The following VAV2 variants were observed in gnomAD, a reference collection of about 807,000 sequenced individuals.
VAV2 encodes guanine nucleotide exchange factor VAV2.
Under a neutral mutation model 132.5 loss-of-function variants are expected in VAV2, and 67 were observed. The ratio of observed to expected loss-of-function variants is 0.51; its 90% CI spans 0.42 to 0.62. The LOEUF (loss-of-function observed/expected upper bound fraction) is 0.62, where lower values mean the gene tolerates loss of function less well. Among genes scored for constraint, VAV2 ranks in the 20% least tolerant of loss-of-function variants. VAV2 has a pLI of 0.00. For missense variants in VAV2, 938 were observed against 1,153.6 expected (o/e 0.81, Z 2.71); for synonymous variants, 492 against 443.5 (o/e 1.11, Z -1.37).
At chr9:133,978,737 C>T (rs924314015) in intron 1 of VAV2, among the ~76,000 whole-genome samples, 1 of 152,236 alleles carries the variant, frequency 6.6e-6, no homozygotes. Context: ...AACTCAGGGG[C>T]GCAGCCGCTC....
At chr9:133,976,452 T>C (rs888874239) in intron 1 of VAV2, among the ~76,000 whole-genome samples, 9 of 152,242 alleles carry the variant, frequency 5.9e-5, no homozygotes, top group African/African-American at 1.9e-4. Flanking sequence ...AGACCCTAGA[T>C]TGGAGCCCTA....
chr9:133,904,104 G>A (rs1161829268), intron 2 of VAV2, among the ~76,000 whole-genome samples: 4 of 152,232 alleles, frequency 2.6e-5, no homozygotes, highest in South Asian at 4.2e-4. Flanking sequence ...CTTCCTATCC[G>A]GGTAAATTCT....
intron 1 of VAV2, among the ~76,000 whole-genome samples, chr9:133,954,077 C>T (rs73556531): frequency 0.017 from 2,598 of 152,306 alleles, 81 homozygotes; most frequent in African/African-American, 0.058. Context: ...CCCTTCTCAA[C>T]GTGCAACAAA....
chr9:133,792,022 G>T (rs1288679187), intron 12 of VAV2, among the ~76,000 whole-genome samples, 153 bp from the exon 13 acceptor site: 11 of 144,110 alleles, frequency 7.6e-5, no homozygotes, highest in Non-Finnish European at 1.4e-4. Flanking sequence ...AGCTGTGCTG[G>T]GTGGGGTGTG....
intron 3 of VAV2, among the ~76,000 whole-genome samples, chr9:133,842,080 G>C (rs1294038769): frequency 6.6e-6 from 1 of 152,200 alleles, no homozygotes; most frequent in Non-Finnish European, 1.5e-5. Flanking sequence ...TTGGATTCTG[G>C]AAGGTACTGA....
rs1398339391 is a variant in VAV2, at chr9:133,969,787, C to G, written c.204+22288G>C. ...CATTCCCACTTCTCTCCCCACCCCC[C>G]AGCCTGGACACCCCCATCTGCCTCT... On this transcript the variant is annotated intron_variant, in intron 1 of 29. Transcript: ENST00000371850. The surrounding 1 kb of genome is among the most constrained non-coding windows in gnomAD (Gnocchi z 5.1). Among the ~76,000 whole-genome samples, 1 of 152,136 alleles carries G rather than the reference C, an allele frequency of 6.6e-6. No individual in the cohort carries two copies. The highest frequency in any genetic ancestry group is 1.5e-5 in the Non-Finnish European group (1 of 67,998).
chr9:133,830,466 A>G (rs1268329116), intron 4 of VAV2, among the ~76,000 whole-genome samples: 5 of 152,152 alleles, frequency 3.3e-5, no homozygotes, highest in African/African-American at 1.2e-4. Context: ...AGTTCTCACG[A>G]GATCTGATGG....
chr9:133,798,457 C>T (rs973422491), intron 9 of VAV2, among the ~76,000 whole-genome samples: 4 of 152,196 alleles, frequency 2.6e-5, no homozygotes, highest in Admixed American at 6.5e-5. Context: ...CGCTCTCTCC[C>T]GGCCACTCTG....
chr9:133,875,695 G>A (rs975882945), intron 2 of VAV2, among the ~76,000 whole-genome samples: 11 of 152,212 alleles, frequency 7.2e-5, no homozygotes, highest in Admixed American at 1.3e-4. Context: ...GAACACACGC[G>A]AGGCCCCCGC....
intron 24 of VAV2, 48 bp downstream of exon 24, chr9:133,775,980 A>G (rs372193817): frequency 1.2e-5 from 19 of 1,566,970 alleles, no homozygotes; most frequent in Middle Eastern, 1.7e-4. Flanking sequence ...TGCCCCCATA[A>G]CAAAGAGGCC....
chr9:133,808,285 G>A (rs1396654579), intron 7 of VAV2, among the ~76,000 whole-genome samples: 2 of 152,250 alleles, frequency 1.3e-5, no homozygotes, highest in African/African-American at 4.8e-5. Flanking sequence ...TGGGGCAGCA[G>A]GAGGGGGCCC....
chr9:133,843,961 G>A (rs1836828825), intron 3 of VAV2, among the ~76,000 whole-genome samples: 1 of 152,156 alleles, frequency 6.6e-6, no homozygotes, highest in Non-Finnish European at 1.5e-5. Context: ...GCGAGGTGGG[G>A]GTGTGGCCAG....
chr9:133,959,046 C>G (rs1841883439), intron 1 of VAV2, among the ~76,000 whole-genome samples: 2 of 86,960 alleles, frequency 2.3e-5, no homozygotes. Context: ...GGCCACAGCC[C>G]CAGGGGCCCA....
chr9:133,990,789 C>CA (rs1214461460), intron 1 of VAV2, among the ~76,000 whole-genome samples: 1 of 152,216 alleles, frequency 6.6e-6, no homozygotes, highest in East Asian at 1.9e-4. Context: ...CCGCCACCTG[C>CA]ACCTGACCAC....
chr9:133,785,721 A>AC (rs1379085937), intron 17 of VAV2, 55 bp downstream of exon 17: 6 of 1,547,408 alleles, frequency 3.9e-6, no homozygotes, highest in East Asian at 4.5e-5. Flanking sequence ...CTGGGCTTCC[A>AC]CCCCCCATAC....
At chr9:133,970,266 ACCCCACACAG>A (rs925487101) in intron 1 of VAV2, among the ~76,000 whole-genome samples, 2 of 152,146 alleles carry the variant, frequency 1.3e-5, no homozygotes, top group African/African-American at 4.8e-5. Context: ...CCACCCGATG[ACCCCACACAG>A]CAAGCGATGT....
At chr9:133,767,913 T>C (rs1396729056) in intron 29 of VAV2, among the ~76,000 whole-genome samples, 2 of 152,120 alleles carry the variant, frequency 1.3e-5, no homozygotes, top group Non-Finnish European at 2.9e-5. Context: ...CACAGACATA[T>C]GCAGAATCTT....
intron 3 of VAV2, among the ~76,000 whole-genome samples, chr9:133,835,013 GCCCCAA>G (rs1354902046): frequency 9.2e-5 from 14 of 152,138 alleles, no homozygotes; most frequent in Non-Finnish European, 1.2e-4. Flanking sequence ...CCCTCCAGAT[GCCCCAA>G]CCCTGGTGCC....
chr9:133,836,073 T>G (rs555783934), intron 3 of VAV2, among the ~76,000 whole-genome samples: 1 of 152,310 alleles, frequency 6.6e-6, no homozygotes, highest in South Asian at 2.1e-4. Flanking sequence ...AGGGCTCCGT[T>G]GCTGAGACAG....
Sources: allele counts gnomAD v4.1 joint callset (sites outside exome capture counted in the v4.1 genomes callset), GRCh38; gene constraint gnomAD v4.1.1; non-coding constraint Gnocchi (gnomAD v3.1); transcripts MANE v1.5; gene names NCBI Gene and HGNC (gene_info 2026-07-23, HGNC 2026-07-21).